The following POU2F3 variants were observed in gnomAD, a reference collection of about 807,000 sequenced individuals.
POU2F3 encodes POU class 2 homeobox 3.
A neutral mutation model predicts 59.2 loss-of-function variants in POU2F3; 23 were observed. The observed-to-expected ratio is 0.39, with a 90% CI of 0.28 to 0.55. The LOEUF (loss-of-function observed/expected upper bound fraction) is 0.55, where lower values mean the gene tolerates loss of function less well. Among genes scored for constraint, POU2F3 ranks in the 20% least tolerant of loss-of-function variants. The pLI is 0.66. For missense variants in POU2F3, 473 were observed against 544.5 expected, an observed-to-expected ratio of 0.87 and a Z score of 1.31; for synonymous variants, 190 against 214.6, an observed-to-expected ratio of 0.89 and a Z score of 1.00.
At chr11:120,296,358 A>G (rs1299470089) in intron 3 of POU2F3, among the ~76,000 whole-genome samples, 1 of 152,252 alleles carries the variant, frequency 6.6e-6, no homozygotes, top group African/African-American at 2.4e-5. Flanking sequence ...AAATGTTAGT[A>G]GGATCTTCCT....
intron 1 of POU2F3, among the ~76,000 whole-genome samples, chr11:120,245,369 AT>A (rs1459903500): frequency 1.3e-5 from 2 of 152,128 alleles, no homozygotes; most frequent in Non-Finnish European, 2.9e-5. Context: ...TGATTACCTG[AT>A]GCAAATTAAG....
rs572611903 is a variant in POU2F3 at position 120,302,710 on chromosome 11, G to A, written c.444+342G>A. On this transcript the variant is annotated intron_variant, in intron 6 of 12. Coordinates refer to ENST00000543440, the MANE Select transcript of POU2F3 (RefSeq NM_014352.4). ...TTCTCAGGCATACCAAGATGGCCACGAACCCTACCTAGGTGCTCTCAAGCC... is the reference window on the plus strand; with the variant it reads ...TTCTCAGGCATACCAAGATGGCCACAAACCCTACCTAGGTGCTCTCAAGCC... 694 of 256,848 alleles carry A rather than the reference G, an allele frequency of 2.7e-3. 2 individuals are homozygous for A. Among genetic ancestry groups the A allele is most frequent in the Non-Finnish European group, 4.2e-3 (565 of 134,420 alleles). 15.9% of individuals were successfully genotyped at this position (256,848 alleles called of 1,614,324 possible). A position where few individuals can be genotyped will look rare whatever the true frequency, so the allele number is the denominator to read the frequency against.
intron 2 of POU2F3, among the ~76,000 whole-genome samples, chr11:120,268,789 G>A (rs973231782): frequency 2.0e-5 from 3 of 152,216 alleles, no homozygotes; most frequent in Admixed American, 2.0e-4. Context: ...CTAGTAGCAT[G>A]ACTTCTGTCC....
At chr11:120,304,942 TAAAAAAAAA>T (rs11443197) in intron 6 of POU2F3, 79 bp from the exon 7 acceptor site, 72 of 336,636 alleles carry the variant, frequency 2.1e-4, no homozygotes, top group Admixed American at 1.5e-3. Flanking sequence ...GGCCTATTAG[TAAAAAAAAA>T]AAAAAAAAAA....
intron 10 of POU2F3, among the ~76,000 whole-genome samples, chr11:120,310,293 G>T (rs1035973125): frequency 2.0e-5 from 3 of 152,190 alleles, no homozygotes; most frequent in Non-Finnish European, 2.9e-5. Context: ...TACAAGAAAG[G>T]AAGCAAAGAT....
chr11:120,298,367 G>A lies in POU2F3; in HGVS notation c.235G>A (p.Gly79Arg). The A allele has an allele frequency of 6.2e-7, 1 of 1,613,746 alleles. No individual in the cohort carries two copies. The highest frequency in any genetic ancestry group is 8.5e-7 in the Non-Finnish European group (1 of 1,179,886). Residue 79 changes from glycine to arginine, a missense_variant, in exon 4 of 13, where the codon GGG (glycine) becomes AGG (arginine). Transcript: ENST00000543440. ...CATGATGTCCGGAAACCAAATGTCTGGGCTAAATGCCAGCCCATGTCAGGT... is the reference window on the plus strand; with the variant it reads ...CATGATGTCCGGAAACCAAATGTCTAGGCTAAATGCCAGCCCATGTCAGGT... ...PAMMSGNQMS[G>R]LNASPCQDMA...
rs11217809 is a variant in POU2F3, at chr11:120,307,638, C to A, written c.906+23C>A. 0.031 allele frequency: 49,698 copies of A among 1,612,676 alleles called. 10,214 individuals carry two copies. The East Asian group carries it at 0.61, about 20-fold the overall frequency. On this transcript the variant is annotated intron_variant, in intron 9 of 12. Coordinates refer to ENST00000543440, the MANE Select transcript of POU2F3 (RefSeq NM_014352.4). ...GATGTGAGCAGCACCTTCGGGTGGG[C>A]ACGGGTGGGCTACCTCACACAGGTA... is the stretch of plus-strand genomic sequence containing the variant.
chr11:120,305,110 T>G lies in POU2F3; in HGVS notation c.525T>G (p.His175Gln). 1 of 1,613,988 alleles carries G rather than the reference T, an allele frequency of 6.2e-7. No individual in the cohort carries two copies. The highest frequency in any genetic ancestry group is 8.5e-7 in the Non-Finnish European group (1 of 1,180,016). Residue 175 changes from histidine to glutamine, a missense_variant, in exon 7 of 13, where the codon CAT becomes CAG. Coordinates refer to ENST00000543440, the MANE Select transcript of POU2F3 (RefSeq NM_014352.4). ...CCCAGCATCTCCCAGTGCCCAAGCA[T>G]CTACCCAGCTCTGGAGGGGCCGATG... ...EASQHLPVPK[H>Q]LPSSGGADEP...
chr11:120,310,915 A>G (rs539524139), intron 10 of POU2F3, among the ~76,000 whole-genome samples: 1 of 152,366 alleles, frequency 6.6e-6, no homozygotes, highest in South Asian at 2.1e-4. Context: ...TCATTTCTCC[A>G]GGAGAACTTA....
At chr11:120,307,453 T>C in intron 8 of POU2F3, 26 bp from the exon 9 acceptor site, 3 of 1,612,152 alleles carry the variant, frequency 1.9e-6, no homozygotes, top group Non-Finnish European at 2.5e-6. Flanking sequence ...TCTCTGAGCT[T>C]CCTCTGGTCC....
chr11:120,284,198 T>A (rs1228607038), intron 3 of POU2F3, among the ~76,000 whole-genome samples: 1 of 151,788 alleles, frequency 6.6e-6, no homozygotes, highest in Non-Finnish European at 1.5e-5. Flanking sequence ...ATACATAAAT[T>A]AAGTAAGTAA....
At chr11:120,265,393 G>A (rs1565363814) in intron 2 of POU2F3, 1 of 152,200 alleles carries the variant, frequency 6.6e-6, no homozygotes, top group African/African-American at 2.4e-5. Flanking sequence ...CCAGTCTCCC[G>A]GGAGGGCATG....
intron 2 of POU2F3, among the ~76,000 whole-genome samples, chr11:120,252,292 C>T (rs1321534084): frequency 3.7e-4 from 56 of 150,544 alleles, no homozygotes; most frequent in Admixed American, 3.4e-3. Context: ...CTGCAACCTC[C>T]GCCTCCCAGG....
intron 3 of POU2F3, among the ~76,000 whole-genome samples, chr11:120,291,539 C>T (rs1941019662): frequency 6.6e-6 from 1 of 152,206 alleles, no homozygotes; most frequent in Non-Finnish European, 1.5e-5. Flanking sequence ...CTAGTGCAAC[C>T]TACACCAAAC....
intron 8 of POU2F3, among the ~76,000 whole-genome samples, chr11:120,306,823 TAGAC>T (rs1398636302): frequency 3.3e-5 from 5 of 152,130 alleles, no homozygotes; most frequent in Admixed American, 3.3e-4. Flanking sequence ...GGCTGTCCCT[TAGAC>T]AGCCTTTATG....
At chr11:120,310,572 T>G (rs1001558306) in intron 10 of POU2F3, among the ~76,000 whole-genome samples, 5 of 152,148 alleles carry the variant, frequency 3.3e-5, no homozygotes, top group African/African-American at 4.8e-5. Context: ...ACCTTCTCCA[T>G]GCAGGGAGAA....
At position 120,299,618 on chromosome 11, in the gene POU2F3, G is replaced by A. The variant is rs181984111; in HGVS notation, c.259-6G>A. 3.4e-5 allele frequency: 55 copies of A among 1,612,624 alleles called. No individual in the cohort carries two copies. In the African/African-American group the frequency reaches 6.5e-4, roughly 19 times the overall value. ...CTGTGGTGTATGTGTATCTCTCCGT[G>A]TGTAGGACATGGCTTCCCTCCATCC... is the stretch of plus-strand genomic sequence containing the variant. On this transcript the variant is annotated splice_region_variant and splice_polypyrimidine_tract_variant and intron_variant, in intron 4 of 12. Transcript: ENST00000543440.
At chr11:120,264,532 C>G (rs1939746116) in intron 2 of POU2F3, among the ~76,000 whole-genome samples, 1 of 152,164 alleles carries the variant, frequency 6.6e-6, no homozygotes, top group African/African-American at 2.4e-5. Context: ...TCAGAGGGAG[C>G]AGCATATGCA....
chr11:120,239,064 A>T (rs1161390348), upstream of POU2F3, among the ~76,000 whole-genome samples: 1 of 152,086 alleles, frequency 6.6e-6, no homozygotes, highest in East Asian at 1.9e-4. Flanking sequence ...GCACGGTGGG[A>T]TGGGCGTGCC....
Sources: gnomAD v4.1 joint callset for allele counts (sites outside exome capture counted in the v4.1 genomes callset) on GRCh38, gnomAD v4.1.1 for gene constraint, MANE v1.5 for transcripts, NCBI Gene and HGNC (gene_info 2026-07-23, HGNC 2026-07-21) for gene names.